The following PCDHGB7 variants were observed in gnomAD, a reference collection of about 807,000 sequenced individuals.
The protein encoded by PCDHGB7 is protocadherin gamma subfamily B, 7.
PCDHGB7 carries 37 observed loss-of-function variants against 61.4 expected under a neutral mutation model. That is an observed-to-expected ratio of 0.60 (90% CI 0.46 to 0.79). The LOEUF (loss-of-function observed/expected upper bound fraction) is 0.79. Ranked by LOEUF, PCDHGB7 falls within the 30% of genes least tolerant of loss-of-function variation. The pLI, the probability that PCDHGB7 is intolerant of heterozygous loss-of-function variation, is 0.00. For synonymous variants in PCDHGB7, 464 were observed against 503.5 expected (o/e 0.92, Z 1.05); for missense variants, 1,166 against 1,202.5 (o/e 0.97, Z 0.45).
intron 1 of PCDHGB7, chr5:141,426,680 T>C (rs1261836011): frequency 2.3e-6 from 1 of 431,334 alleles, no homozygotes; most frequent in East Asian, 7.2e-5. Flanking sequence ...CACCTCATTT[T>C]CCCCAAAATA....
At position 141,476,591 on chromosome 5, in the gene PCDHGB7, G is replaced by C. The variant is rs200254399; in HGVS notation, c.2416-18216G>C. The C allele has an allele frequency of 6.2e-7, 1 of 1,614,230 alleles. No homozygotes were observed. Among genetic ancestry groups the C allele is most frequent in the East Asian group, 2.2e-5 (1 of 44,870 alleles). On this transcript the variant is annotated intron_variant, in intron 1 of 3. Coordinates refer to ENST00000398594, the MANE Select transcript of PCDHGB7 (RefSeq NM_018927.4). This position sits in a 1 kb window ranked among gnomAD's most constrained non-coding sequence, Gnocchi z 7.6. ...GGGGACGCGCTTTCCGCTCGAGAGCGCGCACGATCCCGATGTGGGAAGCAA... is the reference window on the plus strand; with the variant it reads ...GGGGACGCGCTTTCCGCTCGAGAGCCCGCACGATCCCGATGTGGGAAGCAA...
intron 1 of PCDHGB7, among the ~76,000 whole-genome samples, chr5:141,465,779 GT>G (rs879859429): frequency 5.2e-4 from 76 of 145,138 alleles, no homozygotes; most frequent in South Asian, 1.1e-3. Flanking sequence ...TCTTGTTACA[GT>G]TTTTTTTTTT....
Position 141,487,171 on chromosome 5 carries a change from G to C in PCDHGB7, c.2416-7636G>C. ...CTGTTACTCTCTTAGTGTCCTTAGA[G>C]GAAGACACTCATCCAGTTGTCCCAG... On this transcript the variant is annotated intron_variant, in intron 1 of 3. Transcript: ENST00000398594. The surrounding 1 kb of genome is among the most constrained non-coding windows in gnomAD (Gnocchi z 5.0). 1 of 1,612,938 alleles carries C rather than the reference G, an allele frequency of 6.2e-7. No individual in the cohort carries two copies. Among genetic ancestry groups the C allele is most frequent in the Non-Finnish European group, 8.5e-7 (1 of 1,178,910 alleles).
chr5:141,484,334 A>G (rs988395353), intron 1 of PCDHGB7, among the ~76,000 whole-genome samples: 3 of 152,192 alleles, frequency 2.0e-5, no homozygotes, highest in East Asian at 1.9e-4. Context: ...CTTGAAATCA[A>G]TGAATGGTAA....
intron 1 of PCDHGB7, among the ~76,000 whole-genome samples, chr5:141,484,720 G>A (rs1458277947): frequency 2.6e-5 from 4 of 151,988 alleles, no homozygotes; most frequent in African/African-American, 7.2e-5. Flanking sequence ...GAAAAGGGGC[G>A]GGGTCAGTCG....
At chr5:141,508,792 C>T (rs1198342551) in intron 3 of PCDHGB7, among the ~76,000 whole-genome samples, 3 of 152,130 alleles carry the variant, frequency 2.0e-5, no homozygotes, top group Admixed American at 6.5e-5. Flanking sequence ...CTAAATCACT[C>T]TGGAATCCTG....
intron 1 of PCDHGB7, chr5:141,478,910 A>C (rs568573298): frequency 1.1e-6 from 1 of 893,688 alleles, no homozygotes; most frequent in Non-Finnish European, 1.6e-6. Context: ...AAGCTGCTGG[A>C]TACCTCTAAC....
Position 141,431,634 on chromosome 5 carries a change from T to C in PCDHGB7, c.2415+11360T>C. 2.5e-6 allele frequency: 4 copies of C among 1,614,238 alleles called. No homozygotes were observed. Among genetic ancestry groups the C allele is most frequent in the Non-Finnish European group, 3.4e-6 (4 of 1,180,044 alleles). ...GTGGACGACAAGGCGGCCCAAGTTTTCAAACTAGATTGTAATTCAGGGACA... is the reference window on the plus strand; with the variant it reads ...GTGGACGACAAGGCGGCCCAAGTTTCCAAACTAGATTGTAATTCAGGGACA... On this transcript the variant is annotated intron_variant, in intron 1 of 3. Coordinates refer to ENST00000398594, the MANE Select transcript of PCDHGB7 (RefSeq NM_018927.4). The surrounding 1 kb of genome is among the most constrained non-coding windows in gnomAD (Gnocchi z 4.8).
At chr5:141,474,126 A>G (rs1450071391) in intron 1 of PCDHGB7, among the ~76,000 whole-genome samples, 2 of 152,232 alleles carry the variant, frequency 1.3e-5, no homozygotes, top group African/African-American at 4.8e-5. Context: ...AAAATCTCAG[A>G]AAACTACAGG....
intron 2 of PCDHGB7, 35 bp from the exon 3 acceptor site, chr5:141,505,358 G>A (rs1156448862): frequency 6.2e-7 from 1 of 1,613,796 alleles, no homozygotes; most frequent in Non-Finnish European, 8.5e-7. Context: ...GTGCCGGCCT[G>A]GGAGTCTGTG....
At position 141,489,969 on chromosome 5, in the gene PCDHGB7, A is replaced by C. The variant is rs746202385; in HGVS notation, c.2416-4838A>C. On this transcript the variant is annotated intron_variant, in intron 1 of 3. Coordinates refer to ENST00000398594, the MANE Select transcript of PCDHGB7 (RefSeq NM_018927.4). This position sits in a 1 kb window ranked among gnomAD's most constrained non-coding sequence, Gnocchi z 4.5. The stretch of plus-strand genomic sequence containing the variant: ...TCAATGATAATGCTCCAACCTTCCA[A>C]TCCTCAGTTCTACGTGTGGGAATCC... 4 of 1,614,008 alleles carry C rather than the reference A, an allele frequency of 2.5e-6. No individual in the cohort carries two copies.
At chr5:141,438,418 G>C (rs2097959406) in intron 1 of PCDHGB7, among the ~76,000 whole-genome samples, 1 of 151,534 alleles carries the variant, frequency 6.6e-6, no homozygotes, top group Admixed American at 6.6e-5. Flanking sequence ...ATTTCACACA[G>C]TAGTTTGTAC....
At chr5:141,472,980 C>CAAAAAA (rs60579131) in intron 1 of PCDHGB7, among the ~76,000 whole-genome samples, 7 of 86,100 alleles carry the variant, frequency 8.1e-5, no homozygotes, top group South Asian at 4.3e-4. Context: ...GAGTGAAACT[C>CAAAAAA]AAAAAAAAAA....
chr5:141,421,833 C>T (rs1364245594), intron 1 of PCDHGB7: 6 of 1,613,756 alleles, frequency 3.7e-6, no homozygotes, highest in Non-Finnish European at 4.2e-6. Flanking sequence ...GAAGCCTGGA[C>T]CGAGAGAAAG....
At position 141,476,744 on chromosome 5, in the gene PCDHGB7, CT is replaced by C; in HGVS notation, c.2416-18062del. ...CCTGGACCGAGAACGGGAGCCTAGT[CT>C]CCAGTTAGTGCTGACGGCGTTGGAC... is the stretch of plus-strand genomic sequence containing the variant. On this transcript the variant is annotated intron_variant, in intron 1 of 3. Coordinates refer to ENST00000398594, the MANE Select transcript of PCDHGB7 (RefSeq NM_018927.4). The surrounding 1 kb of genome is among the most constrained non-coding windows in gnomAD (Gnocchi z 7.6). 6.2e-7 allele frequency: 1 copy of C among 1,614,046 alleles called. No homozygotes were observed. Among genetic ancestry groups the C allele is most frequent in the East Asian group, 2.2e-5 (1 of 44,884 alleles).
rs996353495 is a variant in PCDHGB7, at chr5:141,485,101, T to G, written c.2416-9706T>G. 12 of 1,158,090 alleles carry G rather than the reference T, an allele frequency of 1.0e-5. No individual in the cohort carries two copies. Among genetic ancestry groups the G allele is most frequent in the Non-Finnish European group, 1.4e-5 (11 of 786,830 alleles). The allele number at this position is 1,158,090 out of a possible 1,614,324, so 71.7% of individuals were successfully genotyped here. ...GGAAAGGGAGATAGGTGTCTCCAGC[T>G]GCTGTGGCTGTTTGGGGCGGGTCGG... On this transcript the variant is annotated intron_variant, in intron 1 of 3. Transcript: ENST00000398594. This position sits in a 1 kb window ranked among gnomAD's most constrained non-coding sequence, Gnocchi z 5.7.
chr5:141,419,644 CG>C lies in PCDHGB7; in HGVS notation c.1786del (p.Ala596ArgfsTer48), dbSNP rs1418985518. ...YLVTKVVAVD[A>X]DSGHNAWLSY... ...TGGTGACCAAGGTGGTGGCCGTGGACGCGGACTCGGGGCACAATGCCTGGCT... is the reference window on the plus strand; with the variant it reads ...TGGTGACCAAGGTGGTGGCCGTGGACCGGACTCGGGGCACAATGCCTGGCT... On this transcript the variant is annotated frameshift_variant, in exon 1 of 4. Transcript: ENST00000398594. LOFTEE classifies it high-confidence loss of function. 2 of 1,612,396 alleles carry C rather than the reference CG, an allele frequency of 1.2e-6. No homozygotes were observed. Among genetic ancestry groups the C allele is most frequent in the Non-Finnish European group, 1.7e-6 (2 of 1,179,758 alleles).
intron 1 of PCDHGB7, among the ~76,000 whole-genome samples, chr5:141,454,796 ATTTTTTTTTTTTTTTTTTT>A (rs61612330): frequency 3.9e-5 from 3 of 77,408 alleles, no homozygotes; most frequent in African/African-American, 1.2e-4. Context: ...CATGGTTCTA[ATTTTTTTTTTTTTTTTTTT>A]TTTTTTTTTT....
intron 1 of PCDHGB7, among the ~76,000 whole-genome samples, chr5:141,454,796 A>ATTTTTTTTTTTTTTTTTTTTTT (rs61612330): frequency 5.2e-5 from 4 of 77,456 alleles, no homozygotes; most frequent in Non-Finnish European, 7.0e-5. Context: ...CATGGTTCTA[A>ATTTTTTTTTTTTTTTTTTTTTT]TTTTTTTTTT....
Sources: gnomAD v4.1 joint callset for allele counts (sites outside exome capture counted in the v4.1 genomes callset) on GRCh38, gnomAD v4.1.1 for gene constraint, Gnocchi (gnomAD v3.1) non-coding constraint, MANE v1.5 for transcripts, NCBI Gene and HGNC (gene_info 2026-07-23, HGNC 2026-07-21) for gene names.